The following LRRC37A2 variants were observed in gnomAD, a reference collection of about 807,000 sequenced individuals.
LRRC37A2 encodes leucine-rich repeat-containing protein 37A2.
LRRC37A2 carries 9 observed loss-of-function variants against 68.8 expected under a neutral mutation model. The observed-to-expected ratio is 0.13, with a 90% CI of 0.08 to 0.23. LRRC37A2 has a LOEUF of 0.23. Among genes scored for constraint, LRRC37A2 ranks in the 10% least tolerant of loss-of-function variants. LRRC37A2 has a pLI of 1.00. For synonymous variants in LRRC37A2, 63 were observed against 367.6 expected (o/e 0.17, Z 9.48); for missense variants, 168 against 950.4 (o/e 0.18, Z 10.82).
the LRRC37A2 span, among the ~76,000 whole-genome samples, chr17:46,779,103 A>ACACACC: frequency 4.1e-4 from 55 of 133,652 alleles, 1 homozygote; most frequent in East Asian, 5.1e-3. Context: ...ACACACACAC[A>ACACACC]CCCCAGCCCA....
At chr17:46,959,984 C>T in the LRRC37A2 span, among the ~76,000 whole-genome samples, 1 of 152,194 alleles carries the variant, frequency 6.6e-6, no homozygotes, top group East Asian at 1.9e-4. Flanking sequence ...CAGATCTGGT[C>T]CTCAGCAGTA....
chr17:46,915,762 G>A, the LRRC37A2 span, among the ~76,000 whole-genome samples: 81,509 of 152,200 alleles, frequency 0.54, 22,566 homozygotes, highest in Non-Finnish European at 0.61. Flanking sequence ...GCCCTGAGGC[G>A]GTTCAGGGCT....
the LRRC37A2 span, chr17:46,751,586 G>T: frequency 4.3e-6 from 7 of 1,613,716 alleles, no homozygotes; most frequent in Non-Finnish European, 5.9e-6. Flanking sequence ...GAATCAAGAA[G>T]TTACTAATGC....
the LRRC37A2 span, among the ~76,000 whole-genome samples, chr17:46,801,857 G>C: frequency 2.0e-5 from 3 of 152,122 alleles, no homozygotes; most frequent in Non-Finnish European, 4.4e-5. Context: ...CCTTCTTCCC[G>C]ATGCTGTGCC....
chr17:47,000,076 A>AAAATAAAAAAT, the LRRC37A2 span, among the ~76,000 whole-genome samples: 1 of 25,520 alleles, frequency 3.9e-5, no homozygotes, highest in African/African-American at 8.1e-5. Context: ...AAATAAAATA[A>AAAATAAAAAAT]AAAATAAAAT....
At chr17:46,816,646 G>A in the LRRC37A2 span, among the ~76,000 whole-genome samples, 4 of 152,050 alleles carry the variant, frequency 2.6e-5, no homozygotes, top group African/African-American at 9.7e-5. Context: ...TTCCTATTGG[G>A]CAATCCCTAT....
chr17:46,755,287 C>T, the LRRC37A2 span: 1 of 1,585,692 alleles, frequency 6.3e-7, no homozygotes, highest in Non-Finnish European at 8.7e-7. Flanking sequence ...ACCATTAACC[C>T]ATCTTCATTT....
At chr17:46,839,993 T>C in the LRRC37A2 span, among the ~76,000 whole-genome samples, 201 of 92,718 alleles carry the variant, frequency 2.2e-3, no homozygotes, top group African/African-American at 2.8e-3. Context: ...TTCTTTCTTT[T>C]TTCTTTCTTC....
chr17:46,530,163 A>AT (rs2053463050), intron 6 of LRRC37A2, among the ~76,000 whole-genome samples: 1 of 134,748 alleles, frequency 7.4e-6, no homozygotes, highest in South Asian at 2.4e-4. Flanking sequence ...AAGTGCTGAG[A>AT]TTACAGGCTT....
chr17:46,904,568 G>T, the LRRC37A2 span, among the ~76,000 whole-genome samples: 1 of 152,004 alleles, frequency 6.6e-6, no homozygotes, highest in African/African-American at 2.4e-5. Flanking sequence ...TGGCTGGCTG[G>T]TTGGATGGAT....
chr17:46,715,486 A>G, the LRRC37A2 span, among the ~76,000 whole-genome samples: 2 of 152,168 alleles, frequency 1.3e-5, no homozygotes, highest in Non-Finnish European at 2.9e-5. Flanking sequence ...TAAATCATCT[A>G]TTCCTGTGCT....
At chr17:46,847,680 G>T in the LRRC37A2 span, among the ~76,000 whole-genome samples, 18 of 152,288 alleles carry the variant, frequency 1.2e-4, no homozygotes, top group Admixed American at 2.6e-4. Context: ...CGGAGCTGCT[G>T]GGGCATCATC....
the LRRC37A2 span, among the ~76,000 whole-genome samples, chr17:46,679,787 G>A: frequency 6.6e-6 from 1 of 151,928 alleles, no homozygotes; most frequent in Admixed American, 6.5e-5. Context: ...CCAAAGCATA[G>A]GGAGGAGCTG....
the LRRC37A2 span, among the ~76,000 whole-genome samples, chr17:46,878,680 C>T: frequency 1.3e-5 from 2 of 152,102 alleles, no homozygotes; most frequent in Admixed American, 6.5e-5. Context: ...CAGTGCTGGG[C>T]GTAAGGCAGC....
chr17:46,913,674 T>A, the LRRC37A2 span, among the ~76,000 whole-genome samples: 2 of 152,214 alleles, frequency 1.3e-5, no homozygotes, highest in South Asian at 2.1e-4. Flanking sequence ...TCTGCCACGA[T>A]GAGGATATTA....
the LRRC37A2 span, among the ~76,000 whole-genome samples, chr17:46,823,850 C>T: frequency 1.1e-4 from 17 of 152,312 alleles, no homozygotes; most frequent in Middle Eastern, 3.4e-3. Flanking sequence ...TCCCTGGCTT[C>T]GGTTGTGGAG....
the LRRC37A2 span, among the ~76,000 whole-genome samples, chr17:47,003,040 G>A: frequency 6.6e-5 from 10 of 151,826 alleles, no homozygotes; most frequent in South Asian, 2.1e-4. Flanking sequence ...CCAGGAGCTC[G>A]AGACCAGCCT....
the LRRC37A2 span, among the ~76,000 whole-genome samples, chr17:46,819,086 T>TTGGGACGTGGGCCCGC: frequency 6.6e-6 from 1 of 152,116 alleles, no homozygotes; most frequent in African/African-American, 2.4e-5. This position sits in a 1 kb window ranked among gnomAD's most constrained non-coding sequence, Gnocchi z 5.3. Context: ...GCGGGGACCG[T>TTGGGACGTGGGCCCGC]GACCCGTTGG....
chr17:46,822,340 G>A, the LRRC37A2 span, among the ~76,000 whole-genome samples: 1 of 152,174 alleles, frequency 6.6e-6, no homozygotes, highest in Non-Finnish European at 1.5e-5. Flanking sequence ...TCTTTCCACT[G>A]CCCAGCCTAG....
Sources: allele counts gnomAD v4.1 joint callset (sites outside exome capture counted in the v4.1 genomes callset), GRCh38; gene constraint gnomAD v4.1.1; non-coding constraint Gnocchi (gnomAD v3.1); transcripts MANE v1.5; gene names NCBI Gene and HGNC (gene_info 2026-07-23, HGNC 2026-07-21).